The following SPON1 variants were observed in gnomAD, a reference collection of about 807,000 sequenced individuals.
SPON1 encodes the protein spondin-1.
SPON1 carries 52 observed loss-of-function variants against 111.7 expected under a neutral mutation model. The ratio of observed to expected loss-of-function variants is 0.47; its 90% CI spans 0.37 to 0.59. The LOEUF (loss-of-function observed/expected upper bound fraction) is 0.59, where lower values mean the gene tolerates loss of function less well. Among genes scored for constraint, SPON1 ranks in the 20% least tolerant of loss-of-function variants. The pLI is 0.00. For missense variants in SPON1, 957 were observed against 1,068.5 expected, an observed-to-expected ratio of 0.90 and a Z score of 1.46; for synonymous variants, 410 against 395.8, an observed-to-expected ratio of 1.04 and a Z score of -0.43.
chr11:14,132,539 G>A (rs1554927619), intron 5 of SPON1, among the ~76,000 whole-genome samples: 1 of 152,162 alleles, frequency 6.6e-6, no homozygotes, highest in African/African-American at 2.4e-5. Context: ...TGACCACAGT[G>A]GATTGTAATT....
chr11:14,179,360 A>G (rs1448197907), intron 6 of SPON1, among the ~76,000 whole-genome samples: 1 of 152,190 alleles, frequency 6.6e-6, no homozygotes, highest in Non-Finnish European at 1.5e-5. Context: ...TTCCAGGGAG[A>G]CAGAGCCAAA....
intron 3 of SPON1, among the ~76,000 whole-genome samples, chr11:14,045,511 G>A (rs528396221): frequency 6.6e-6 from 1 of 152,012 alleles, no homozygotes; most frequent in South Asian, 2.1e-4. Flanking sequence ...CCAGGAGATG[G>A]AGGTTGCAGT....
intron 2 of SPON1, among the ~76,000 whole-genome samples, chr11:14,035,645 TC>T (rs1848589355): frequency 5.5e-5 from 4 of 72,650 alleles, no homozygotes. Flanking sequence ...TAAGACAGGG[TC>T]TCACTCTGTC....
chr11:13,977,390 A>G (rs1554909136), intron 1 of SPON1, among the ~76,000 whole-genome samples: 1 of 152,166 alleles, frequency 6.6e-6, no homozygotes, highest in African/African-American at 2.4e-5. Context: ...ACGCAGTACT[A>G]TTTCATTGTA....
intron 2 of SPON1, among the ~76,000 whole-genome samples, chr11:14,001,187 A>C (rs1528665): frequency 0.031 from 4,646 of 152,272 alleles, 242 homozygotes; most frequent in African/African-American, 0.1. Context: ...GAAACAGTAA[A>C]TGGTAGGAGG....
chr11:13,990,506 G>A (rs975918714), intron 2 of SPON1, among the ~76,000 whole-genome samples: 1 of 148,170 alleles, frequency 6.7e-6, no homozygotes, highest in Non-Finnish European at 1.5e-5. Flanking sequence ...GCACACTGAT[G>A]GGTCTTGACC....
intron 5 of SPON1, among the ~76,000 whole-genome samples, chr11:14,113,633 C>T (rs1359731168): frequency 1.8e-5 from 2 of 114,206 alleles, no homozygotes; most frequent in African/African-American, 3.3e-5. Context: ...GACGGAGTCT[C>T]GCTCTGTCGC....
intron 5 of SPON1, among the ~76,000 whole-genome samples, chr11:14,104,578 C>G (rs1849171032): frequency 6.6e-6 from 1 of 151,956 alleles, no homozygotes; most frequent in Admixed American, 6.6e-5. Flanking sequence ...ATTGAATTAA[C>G]TTGTTGCTCA....
intron 3 of SPON1, among the ~76,000 whole-genome samples, chr11:14,053,205 C>G (rs1848720581): frequency 6.6e-6 from 1 of 152,176 alleles, no homozygotes; most frequent in African/African-American, 2.4e-5. Flanking sequence ...GCATCTGGTA[C>G]ATTTATAATG....
At chr11:14,098,400 A>C (rs1414938045) in intron 5 of SPON1, among the ~76,000 whole-genome samples, 1 of 152,160 alleles carries the variant, frequency 6.6e-6, no homozygotes. Flanking sequence ...TAGACTATTC[A>C]TCCATTCTGT....
chr11:14,091,868 A>G (rs1849061716), intron 5 of SPON1, among the ~76,000 whole-genome samples: 1 of 151,904 alleles, frequency 6.6e-6, no homozygotes, highest in Non-Finnish European at 1.5e-5. Context: ...GGCTCTGAGG[A>G]CTGCCAGCAC....
intron 6 of SPON1, among the ~76,000 whole-genome samples, chr11:14,211,690 A>G (rs1211653198): frequency 1.3e-5 from 2 of 152,192 alleles, no homozygotes; most frequent in African/African-American, 4.8e-5. Context: ...AATAATGTAT[A>G]TAGTAATGTA....
chr11:14,009,038 C>T lies in SPON1; in HGVS notation c.345+26085C>T, dbSNP rs903362509. On this transcript the variant is annotated intron_variant, in intron 2 of 15. Transcript: ENST00000576479. ...GTAACCTTTCTGCATCCATTTTTGG[C>T]ACCTCACAATTGCTCTGTTAAGCTG... 3.3e-5 allele frequency among the ~76,000 whole-genome samples: 5 copies of T among 152,128 alleles called. No homozygotes were observed. The East Asian group carries it at 9.6e-4, about 29-fold the overall frequency.
chr11:14,144,022 C>T (rs1258859577), intron 6 of SPON1, among the ~76,000 whole-genome samples: 1 of 152,092 alleles, frequency 6.6e-6, no homozygotes, highest in Non-Finnish European at 1.5e-5. Flanking sequence ...AGTCTCTGAC[C>T]TCGAGTAGGT....
At chr11:14,179,436 G>A (rs1848214561) in intron 6 of SPON1, among the ~76,000 whole-genome samples, 1 of 152,168 alleles carries the variant, frequency 6.6e-6, no homozygotes, top group South Asian at 2.1e-4. Context: ...GCACATGCTA[G>A]TCCCTTCTCT....
rs1849285192 is a variant in SPON1 at position 14,267,447 on chromosome 11, G to GGA, written c.*1760_*1761insGA. On this transcript the variant is annotated 3_prime_UTR_variant, in exon 16 of 16. Coordinates refer to ENST00000576479, the MANE Select transcript of SPON1 (RefSeq NM_006108.4). ...ATTTAATTATTTTTCTACTTGGGGG[G>GGA]AAAAAAGTCCTCATGTAGAAGCACC... is the stretch of plus-strand genomic sequence containing the variant. 6.6e-6 allele frequency: 1 copy of GGA among 152,092 alleles called. No homozygotes were observed. The highest frequency in any genetic ancestry group is 2.4e-5 in the African/African-American group (1 of 41,508). 9.4% of individuals were successfully genotyped at this position (152,092 alleles called of 1,614,324 possible). A position where few individuals can be genotyped will look rare whatever the true frequency, so the allele number is the denominator to read the frequency against.
intron 6 of SPON1, among the ~76,000 whole-genome samples, chr11:14,139,580 A>C (rs1293019208): frequency 6.6e-6 from 1 of 152,112 alleles, no homozygotes; most frequent in Non-Finnish European, 1.5e-5. Flanking sequence ...TGAACTTATT[A>C]GTTTATTCAT....
intron 6 of SPON1, among the ~76,000 whole-genome samples, chr11:14,196,403 T>C (rs1227930367): frequency 6.6e-6 from 1 of 152,158 alleles, no homozygotes; most frequent in African/African-American, 2.4e-5. Flanking sequence ...ATTGCGGTGA[T>C]GTTTACACAA....
At chr11:14,065,070 C>T (rs563354780) in intron 3 of SPON1, among the ~76,000 whole-genome samples, 1 of 152,248 alleles carries the variant, frequency 6.6e-6, no homozygotes, top group Non-Finnish European at 1.5e-5. Context: ...CAGTGACCCC[C>T]CTCCCACACC....
Sources: allele counts gnomAD v4.1 joint callset (sites outside exome capture counted in the v4.1 genomes callset), GRCh38; gene constraint gnomAD v4.1.1; transcripts MANE v1.5; gene names NCBI Gene and HGNC (gene_info 2026-07-23, HGNC 2026-07-21).